The following CROT variants were observed in gnomAD, a reference collection of about 807,000 sequenced individuals.
CROT encodes the protein peroxisomal carnitine O-octanoyltransferase.
In CROT, 84 loss-of-function variants were observed where a neutral mutation model predicts 89.2. The observed-to-expected ratio is 0.94, with a 90% confidence interval of 0.79 to 1.13. CROT has a LOEUF of 1.13. Ranked by LOEUF, CROT falls within the 50% of genes most tolerant of loss-of-function variation. The probability of loss-of-function intolerance (pLI) is 0.00; values close to 1 mark genes in which losing one functional copy is unlikely to be tolerated. For synonymous variants in CROT, 212 were observed against 239.5 expected (o/e 0.89, Z 1.06); for missense variants, 711 against 727.8 (o/e 0.98, Z 0.27).
At chr7:87,395,646 C>A (rs1807500641) in intron 17 of CROT, among the ~76,000 whole-genome samples, 1 of 152,150 alleles carries the variant, frequency 6.6e-6, no homozygotes, top group Non-Finnish European at 1.5e-5. Flanking sequence ...CCAATGATAA[C>A]CTTTTTTTCT....
chr7:87,382,835 G>A (rs747449866), intron 13 of CROT, among the ~76,000 whole-genome samples: 6 of 152,082 alleles, frequency 3.9e-5, no homozygotes, highest in Admixed American at 6.6e-5. Context: ...TTCTTGCAAC[G>A]TCAGTTTTCT....
chr7:87,395,378 C>T (rs1807493532), intron 17 of CROT, among the ~76,000 whole-genome samples: 1 of 152,188 alleles, frequency 6.6e-6, no homozygotes, highest in East Asian at 1.9e-4. Flanking sequence ...AAATGTTAAT[C>T]TCCTTTGGCA....
chr7:87,368,368 C>G (rs543467100), intron 6 of CROT, among the ~76,000 whole-genome samples: 1 of 152,030 alleles, frequency 6.6e-6, no homozygotes, highest in African/African-American at 2.4e-5. Flanking sequence ...GGGGTGTGGT[C>G]AGGAGATGAC....
intron 10 of CROT, among the ~76,000 whole-genome samples, chr7:87,380,188 T>A (rs1465643021): frequency 2.8e-5 from 1 of 35,384 alleles, no homozygotes; most frequent in East Asian, 8.9e-4. Context: ...ATGTTGCTGG[T>A]CCATAATTTT....
chr7:87,362,304 C>CTT (rs1237429320), intron 6 of CROT, among the ~76,000 whole-genome samples: 28 of 132,340 alleles, frequency 2.1e-4, no homozygotes, highest in African/African-American at 4.0e-4. Flanking sequence ...GTCACTCTTC[C>CTT]TTTTTTTTTT....
chr7:87,371,775 A>C (rs1233851849), intron 7 of CROT, among the ~76,000 whole-genome samples: 4 of 151,976 alleles, frequency 2.6e-5, no homozygotes, highest in Non-Finnish European at 5.9e-5. Context: ...AGGATCACTT[A>C]AGGCCAAGAG....
Position 87,399,252 on chromosome 7 carries a change from A to C in CROT, c.*608A>C, listed in dbSNP as rs1445302081. On this transcript the variant is annotated 3_prime_UTR_variant, in exon 18 of 18. Coordinates refer to ENST00000331536, the MANE Select transcript of CROT (RefSeq NM_021151.4). ...CACTTTGGGAGGCCAAGGTAGGAGG[A>C]TTGCTTGAAGCTAGGAGTTTGAGAC... 6.5e-6 allele frequency: 1 copy of C among 152,808 alleles called. No homozygotes were observed. Among genetic ancestry groups the C allele is most frequent in the African/African-American group, 2.4e-5 (1 of 41,404 alleles). 9.5% of individuals were successfully genotyped at this position (152,808 alleles called of 1,614,324 possible).
intron 17 of CROT, among the ~76,000 whole-genome samples, chr7:87,394,343 T>C (rs1364012336): frequency 6.6e-6 from 1 of 152,190 alleles, no homozygotes; most frequent in Non-Finnish European, 1.5e-5. Context: ...CATGTATTTT[T>C]CATTGTGGGT....
At chr7:87,396,510 G>T (rs1268108802) in intron 17 of CROT, among the ~76,000 whole-genome samples, 1 of 152,118 alleles carries the variant, frequency 6.6e-6, no homozygotes, top group African/African-American at 2.4e-5. Context: ...ACTAAAGCAA[G>T]TGGGGCAAGG....
In CROT at chr7:87,369,405, G is replaced by A. The variant is rs1222605590; in HGVS notation, c.577G>A (p.Val193Ile). Residue 193 changes from valine to isoleucine, a missense_variant, in exon 7 of 18, where the codon GTA becomes ATA. Transcript: ENST00000331536. ...ESEGRSPNHI[V>I]VLCRGRAFVF... ...TGAAGGGCGTTCCCCAAACCACATT[G>A]TAGTGCTGTGTCGAGGCCGAGCTTT... The A allele has an allele frequency of 6.2e-7, 1 of 1,612,724 alleles. No individual in the cohort carries two copies. Among genetic ancestry groups the A allele is most frequent in the Non-Finnish European group, 8.5e-7 (1 of 1,179,252 alleles).
chr7:87,388,798 C>T (rs1807263161), intron 13 of CROT, among the ~76,000 whole-genome samples: 1 of 152,160 alleles, frequency 6.6e-6, no homozygotes, highest in Non-Finnish European at 1.5e-5. Flanking sequence ...AACTAAAGAG[C>T]TTCTGCACAG....
chr7:87,381,928 A>C lies in CROT; in HGVS notation c.997A>C (p.Met333Leu), dbSNP rs536903511. The C allele has an allele frequency of 3.1e-6, 5 of 1,609,074 alleles. No individual in the cohort carries two copies. Among genetic ancestry groups the C allele is most frequent in the Non-Finnish European group, 4.2e-6 (5 of 1,177,664 alleles). Residue 333 changes from methionine (M) to leucine (L), a missense_variant, in exon 11 of 18, where the codon ATG (methionine) becomes CTG (leucine). Met to Leu is a conservative substitution (Grantham distance 15). Coordinates refer to ENST00000331536, the MANE Select transcript of CROT (RefSeq NM_021151.4). ...CNCDHAPFDA[M>L]IMVNISYYVD... is the part of the protein sequence containing the mutation. The stretch of plus-strand genomic sequence containing the variant: ...ATTTTAGCATGCTCCTTTTGATGCA[A>C]TGATTATGGTGAACATCAGTTATTA...
In CROT at chr7:87,382,487, C is replaced by T. The variant is rs1420392713; in HGVS notation, c.1245C>T (p.His415=). The T allele has an allele frequency of 1.2e-6, 2 of 1,613,856 alleles. No individual in the cohort carries two copies. The highest frequency in any genetic ancestry group is 1.7e-6 in the Non-Finnish European group (2 of 1,179,888). Residue 415 remains histidine, a synonymous_variant, in exon 13 of 18, where the codon CAC becomes CAT. Transcript: ENST00000331536. ...GKKLTKNKML[H]PDTFIQLALQ... ...AGCTAACCAAGAACAAGATGCTTCA[C>T]CCGGATACGTTTATTCAGCTTGCAC...
chr7:87,370,261 C>T (rs1806589908), intron 7 of CROT, among the ~76,000 whole-genome samples: 1 of 152,128 alleles, frequency 6.6e-6, no homozygotes, highest in Non-Finnish European at 1.5e-5. Flanking sequence ...CGGCTCACTG[C>T]ACCCTCCACA....
At chr7:87,374,171 TA>T (rs543149805) in intron 7 of CROT, among the ~76,000 whole-genome samples, 114 of 152,184 alleles carry the variant, frequency 7.5e-4, no homozygotes, top group African/African-American at 2.1e-3. Context: ...CTTTGAAATA[TA>T]AAAAATTAGA....
intron 1 of CROT, among the ~76,000 whole-genome samples, 183 bp downstream of exon 1, chr7:87,345,950 G>A (rs11983873): frequency 0.051 from 7,723 of 152,294 alleles, 471 homozygotes; most frequent in African/African-American, 0.14. Context: ...CCGTTGTAGT[G>A]CTTAGATTTC....
intron 17 of CROT, among the ~76,000 whole-genome samples, chr7:87,397,229 T>A (rs992696474): frequency 3.3e-5 from 5 of 151,936 alleles, no homozygotes; most frequent in Non-Finnish European, 7.4e-5. Flanking sequence ...CACACACCTG[T>A]AGTCTGAGTT....
rs751787487 is a variant in CROT, at chr7:87,381,949, T to C, written c.1018T>C (p.Tyr340His). 1 of 1,611,184 alleles carries C rather than the reference T, an allele frequency of 6.2e-7. No homozygotes were observed. Among genetic ancestry groups the C allele is most frequent in the African/African-American group, 1.3e-5 (1 of 74,880 alleles). Reference sequence around the variant, plus strand: ...TGCAATGATTATGGTGAACATCAGTTATTATGTGGATGAGAAAATTTTTCA... The same window carrying C: ...TGCAATGATTATGGTGAACATCAGTCATTATGTGGATGAGAAAATTTTTCA... Reference protein sequence around the residue: ...FDAMIMVNISYYVDEKIFQNE... With the variant: ...FDAMIMVNISHYVDEKIFQNE... The change falls in exon 11 of 18, where the codon TAT (tyrosine) becomes CAT (histidine). Residue 340 changes from tyrosine (Y) to histidine (H), a missense_variant. By Grantham distance (83) the Tyr-to-His change is moderately conservative. Coordinates refer to ENST00000331536, the MANE Select transcript of CROT (RefSeq NM_021151.4).
chr7:87,345,679 C>T lies in CROT; in HGVS notation c.-201C>T, dbSNP rs116882440. 2.0e-3 allele frequency: 755 copies of T among 382,144 alleles called. 13 individuals are homozygous for T. The East Asian group carries it at 0.027, about 14-fold the overall frequency. 23.7% of individuals were successfully genotyped at this position (382,144 alleles called of 1,614,324 possible). ...AGCGGCCTTCAGTCCAATTCCCGCA[C>T]CTTTGAGGCCCAAGGGGGAGCGAGC... On this transcript the variant is annotated 5_prime_UTR_variant, in exon 1 of 18. Coordinates refer to ENST00000331536, the MANE Select transcript of CROT (RefSeq NM_021151.4).
Sources: allele counts gnomAD v4.1 joint callset (sites outside exome capture counted in the v4.1 genomes callset), GRCh38; gene constraint gnomAD v4.1.1; transcripts MANE v1.5; gene names NCBI Gene and HGNC (gene_info 2026-07-23, HGNC 2026-07-21).